The following FOXP1 variants were observed in gnomAD, a reference collection of about 807,000 sequenced individuals.
The protein encoded by FOXP1 is forkhead box P1.
FOXP1 carries 15 observed loss-of-function variants against 98.2 expected under a neutral mutation model. The observed-to-expected ratio is 0.15, with a 90% CI of 0.10 to 0.24. The LOEUF (loss-of-function observed/expected upper bound fraction) is 0.24, where lower values mean the gene tolerates loss of function less well. Ranked by LOEUF, FOXP1 falls within the 10% of genes least tolerant of loss-of-function variation. The pLI, the probability that FOXP1 is intolerant of heterozygous loss-of-function variation, is 1.00. For missense variants in FOXP1, 633 were observed against 848.5 expected (o/e 0.75, Z 3.15); for synonymous variants, 371 against 314.5 (o/e 1.18, Z -1.90).
intron 4 of FOXP1, among the ~76,000 whole-genome samples, chr3:71,339,374 A>T (rs2076877737): frequency 6.6e-6 from 1 of 152,210 alleles, no homozygotes; most frequent in Non-Finnish European, 1.5e-5. Context: ...TTCAACCACA[A>T]ACCTGTCCTC....
intron 5 of FOXP1, among the ~76,000 whole-genome samples, chr3:71,246,693 T>G (rs772227652): frequency 2.0e-5 from 3 of 152,176 alleles, no homozygotes; most frequent in Non-Finnish European, 4.4e-5. Flanking sequence ...AACAGAGAGA[T>G]AGCAAAATCA....
chr3:71,137,792 A>AT (rs11403348), intron 6 of FOXP1, among the ~76,000 whole-genome samples: 116,075 of 138,514 alleles, frequency 0.84, 51,744 homozygotes, highest in Non-Finnish European at 0.98. Flanking sequence ...TTATTTATTT[A>AT]TTATTATTTT....
At chr3:71,073,338 CTCTA>C (rs968579103) in intron 7 of FOXP1, among the ~76,000 whole-genome samples, 24 of 152,310 alleles carry the variant, frequency 1.6e-4, no homozygotes, top group African/African-American at 5.1e-4. Context: ...TTACACCCTT[CTCTA>C]TACCTCATGT....
Position 71,397,032 on chromosome 3 carries a change from A to ATG in FOXP1, c.-167-37790_-167-37789dup, listed in dbSNP as rs577323351. On this transcript the variant is annotated intron_variant, in intron 3 of 20. Transcript: ENST00000649528. Reference sequence around the variant, plus strand: ...TGTATATATATATATATACATATATATGTGTATATATATATACACATATAT... The same window carrying ATG: ...TGTATATATATATATATACATATATATGTGTGTATATATATATACACATATAT... 3.2e-3 allele frequency among the ~76,000 whole-genome samples: 141 copies of ATG among 44,322 alleles called. 5 individuals are homozygous for ATG. The highest frequency in any genetic ancestry group is 6.0e-3 in the Non-Finnish European group (115 of 19,312). 29.1% of individuals were successfully genotyped at this position (44,322 alleles called of 152,430 possible). A position where few individuals can be genotyped will look rare whatever the true frequency, so the allele number is the denominator to read the frequency against.
chr3:71,464,968 T>G (rs2088540910), intron 3 of FOXP1, among the ~76,000 whole-genome samples: 2 of 152,128 alleles, frequency 1.3e-5, no homozygotes, highest in African/African-American at 4.8e-5. Flanking sequence ...TCATAGGGTT[T>G]TCTACCATGT....
chr3:71,266,967 T>C (rs2069737716), intron 5 of FOXP1, among the ~76,000 whole-genome samples: 2 of 152,192 alleles, frequency 1.3e-5, no homozygotes, highest in South Asian at 4.1e-4. Flanking sequence ...TAACCTCCCA[T>C]CACAGATACA....
intron 5 of FOXP1, among the ~76,000 whole-genome samples, chr3:71,199,620 A>C (rs1324982163): frequency 6.6e-6 from 1 of 151,902 alleles, no homozygotes; most frequent in East Asian, 1.9e-4. Flanking sequence ...GGTGCCTCTA[A>C]TCCCAGCTAC....
intron 3 of FOXP1, among the ~76,000 whole-genome samples, chr3:71,434,631 G>GGTGTGTGTGTGT (rs55643841): frequency 0.012 from 1,717 of 142,314 alleles, 41 homozygotes; most frequent in African/African-American, 0.041. Flanking sequence ...GAGGGGATGG[G>GGTGTGTGTGTGT]GTGTGTGTGT....
At chr3:71,387,797 A>G (rs1162053670) in intron 3 of FOXP1, among the ~76,000 whole-genome samples, 2 of 152,226 alleles carry the variant, frequency 1.3e-5, no homozygotes, top group African/African-American at 2.4e-5. Context: ...TCGTTGTTCA[A>G]TCCAGCTTCT....
At chr3:70,972,497 G>C (rs771544862) in intron 18 of FOXP1, 58 bp downstream of exon 18, 1 of 1,610,284 alleles carries the variant, frequency 6.2e-7, no homozygotes, top group Non-Finnish European at 8.5e-7. Flanking sequence ...AAGCCTCTAC[G>C]TTATACTTGT....
chr3:71,062,733 G>A (rs1010456568), intron 7 of FOXP1, among the ~76,000 whole-genome samples: 2 of 152,190 alleles, frequency 1.3e-5, no homozygotes, highest in African/African-American at 4.8e-5. Flanking sequence ...CGTCAGACAA[G>A]CTGCACATTT....
chr3:71,041,594 C>G (rs1314349152), intron 10 of FOXP1, 62 bp from the exon 11 acceptor site: 1 of 1,490,206 alleles, frequency 6.7e-7, no homozygotes, highest in African/African-American at 1.4e-5. Context: ...CTTCAAACAG[C>G]AATTAAATCA....
At chr3:71,426,801 G>A (rs532792099) in intron 3 of FOXP1, among the ~76,000 whole-genome samples, 54 of 152,214 alleles carry the variant, frequency 3.5e-4, no homozygotes, top group Admixed American at 5.9e-4. Flanking sequence ...GGTGGCTCAC[G>A]CCTGTAATCC....
chr3:70,992,586 G>C (rs535838365), intron 13 of FOXP1, among the ~76,000 whole-genome samples: 1 of 152,068 alleles, frequency 6.6e-6, no homozygotes, highest in Non-Finnish European at 1.5e-5. Flanking sequence ...ACCAACTACC[G>C]CATTCAGGTG....
intron 5 of FOXP1, among the ~76,000 whole-genome samples, chr3:71,268,927 T>G (rs2070031178): frequency 1.3e-5 from 2 of 152,076 alleles, no homozygotes. Flanking sequence ...GCCTGTATCA[T>G]TACTTCTTTT....
chr3:71,113,171 C>T (rs2058079140), intron 6 of FOXP1, among the ~76,000 whole-genome samples: 1 of 152,104 alleles, frequency 6.6e-6, no homozygotes, highest in Non-Finnish European at 1.5e-5. Flanking sequence ...GAAGATTAAA[C>T]AGATGAGACA....
chr3:71,565,449 G>A (rs183110854), intron 2 of FOXP1, among the ~76,000 whole-genome samples: 1 of 150,092 alleles, frequency 6.7e-6, no homozygotes. Flanking sequence ...GGCAGTGATG[G>A]GGGGGGAGCT....
At chr3:71,441,590 G>A (rs1394993619) in intron 3 of FOXP1, among the ~76,000 whole-genome samples, 1 of 152,210 alleles carries the variant, frequency 6.6e-6, no homozygotes, top group African/African-American at 2.4e-5. Flanking sequence ...CACTAACAGG[G>A]AACCATTTGG....
intron 3 of FOXP1, among the ~76,000 whole-genome samples, chr3:71,399,475 C>G (rs1390174019): frequency 6.6e-6 from 1 of 152,168 alleles, no homozygotes; most frequent in African/African-American, 2.4e-5. Flanking sequence ...AAATAAGCAG[C>G]TATTTGGGTA....
Sources: allele counts gnomAD v4.1 joint callset (sites outside exome capture counted in the v4.1 genomes callset), GRCh38; gene constraint gnomAD v4.1.1; transcripts MANE v1.5; gene names NCBI Gene and HGNC (gene_info 2026-07-23, HGNC 2026-07-21).